The following TMTC2 variants were observed in gnomAD, a reference collection of about 807,000 sequenced individuals.
TMTC2 encodes the protein protein O-mannosyl-transferase TMTC2.
In TMTC2, 43 loss-of-function variants were observed where a neutral mutation model predicts 82.4. The ratio of observed to expected loss-of-function variants is 0.52; its 90% CI spans 0.41 to 0.67. The LOEUF is 0.67. Ranked by LOEUF, TMTC2 falls within the 30% of genes least tolerant of loss-of-function variation. The pLI is 0.00. For missense variants in TMTC2, 919 were observed against 1,012.4 expected (o/e 0.91, Z 1.25); for synonymous variants, 408 against 381.9 (o/e 1.07, Z -0.80).
At chr12:82,781,217 C>A (rs2137009063) in intron 1 of TMTC2, among the ~76,000 whole-genome samples, 1 of 151,910 alleles carries the variant, frequency 6.6e-6, no homozygotes, top group Admixed American at 6.6e-5. Flanking sequence ...TAATAGGGTT[C>A]AAAATGCTGA....
At chr12:82,769,808 G>A (rs11115397) in intron 1 of TMTC2, among the ~76,000 whole-genome samples, 24,940 of 151,750 alleles carry the variant, frequency 0.16, 2,561 homozygotes, top group African/African-American at 0.28. Flanking sequence ...TCAGAGTTTC[G>A]CCATGTTTGC....
chr12:82,771,748 AG>A (rs1877324284), intron 1 of TMTC2, among the ~76,000 whole-genome samples: 2 of 152,334 alleles, frequency 1.3e-5, no homozygotes, highest in Middle Eastern at 6.8e-3. Flanking sequence ...GTGCTATTTT[AG>A]TAGAATTCCA....
At chr12:83,119,280 G>A (rs1190531001) in intron 11 of TMTC2, among the ~76,000 whole-genome samples, 1 of 152,026 alleles carries the variant, frequency 6.6e-6, no homozygotes, top group East Asian at 1.9e-4. Context: ...TAGATGTTTA[G>A]GGCTATGAAC....
intron 1 of TMTC2, among the ~76,000 whole-genome samples, chr12:82,693,394 G>A (rs764649240): frequency 6.6e-6 from 1 of 152,158 alleles, no homozygotes; most frequent in Non-Finnish European, 1.5e-5. Context: ...ATTCATACAT[G>A]CAGAAGCTTT....
At chr12:82,811,807 C>CTTTTTTTTT (rs1171596880) in intron 1 of TMTC2, among the ~76,000 whole-genome samples, 4 of 91,096 alleles carry the variant, frequency 4.4e-5, no homozygotes, top group Admixed American at 1.3e-4. Flanking sequence ...TGCTCTCCTT[C>CTTTTTTTTT]TTTTTTTTTT....
intron 3 of TMTC2, among the ~76,000 whole-genome samples, chr12:82,922,921 C>G (rs574717411): frequency 6.6e-6 from 1 of 152,058 alleles, no homozygotes; most frequent in African/African-American, 2.4e-5. Flanking sequence ...ACATATTGTT[C>G]CTACCCACTA....
At chr12:82,883,282 G>A (rs1038559725) in intron 2 of TMTC2, among the ~76,000 whole-genome samples, 2 of 152,026 alleles carry the variant, frequency 1.3e-5, no homozygotes, top group Admixed American at 1.3e-4. Flanking sequence ...AAGACATAGC[G>A]TAATTATAGA....
chr12:82,720,927 G>A (rs1361256046), intron 1 of TMTC2, among the ~76,000 whole-genome samples: 17 of 152,116 alleles, frequency 1.1e-4, no homozygotes. Context: ...TTTTATTTGG[G>A]TCTAGAAAAC....
At position 82,951,799 on chromosome 12, in the gene TMTC2, C is replaced by T. The variant is rs966348188; in HGVS notation, c.1599-13225C>T. ...CGAAAGTACGTGTTTTAAAGAAAGT[C>T]GGTCATTTACATTTGCATCCTCTAT... On this transcript the variant is annotated intron_variant, in intron 4 of 11. Coordinates refer to ENST00000321196, the MANE Select transcript of TMTC2 (RefSeq NM_152588.3). Among the ~76,000 whole-genome samples the T allele has an allele frequency of 5.9e-5, 9 of 152,190 alleles. 1 individual carries two copies. Among genetic ancestry groups the T allele is most frequent in the East Asian group, 1.9e-4 (1 of 5,190 alleles).
chr12:83,020,378 G>A lies in TMTC2; in HGVS notation c.2071-10420G>A, dbSNP rs554500045. Among the ~76,000 whole-genome samples the A allele has an allele frequency of 2.0e-4, 31 of 152,232 alleles. 1 individual carries two copies. In the Middle Eastern group the frequency reaches 0.01, roughly 50 times the overall value. On this transcript the variant is annotated intron_variant, in intron 8 of 11. Transcript: ENST00000321196. The stretch of plus-strand genomic sequence containing the variant: ...TAATTAAAAGCAGACACTTTGGTTT[G>A]TAATTCAGAGGTAAATTCTATGCAT...
intron 8 of TMTC2, among the ~76,000 whole-genome samples, chr12:83,026,428 A>G (rs1239540006): frequency 2.0e-5 from 3 of 152,146 alleles, no homozygotes; most frequent in Admixed American, 6.6e-5. Flanking sequence ...ACATATTTAC[A>G]TAAACACTCA....
intron 8 of TMTC2, among the ~76,000 whole-genome samples, chr12:83,004,727 T>TTTTTTTG (rs1880083020): frequency 2.5e-5 from 1 of 40,062 alleles, no homozygotes; most frequent in Non-Finnish European, 4.3e-5. Flanking sequence ...GCCGAATTTT[T>TTTTTTTG]TTTTTTTTTT....
chr12:83,076,422 T>C (rs906430926), intron 11 of TMTC2, among the ~76,000 whole-genome samples: 1 of 152,222 alleles, frequency 6.6e-6, no homozygotes, highest in East Asian at 1.9e-4. Context: ...TGGGGGTATC[T>C]TTTGCATGGA....
chr12:82,876,720 C>T (rs998189740), intron 2 of TMTC2, among the ~76,000 whole-genome samples: 5 of 151,686 alleles, frequency 3.3e-5, no homozygotes, highest in East Asian at 1.9e-4. Context: ...TTTTTCATTT[C>T]GTTTTGTTTT....
rs145001442 is a variant in TMTC2 at position 83,099,300 on chromosome 12, A to C, written c.2332-32910A>C. On this transcript the variant is annotated intron_variant, in intron 11 of 11. Coordinates refer to ENST00000321196, the MANE Select transcript of TMTC2 (RefSeq NM_152588.3). ...GGTAAAGATTTATACCAGTAATGAA[A>C]ATTTACAAACTCAATAGAAACAACC... 7.2e-3 allele frequency among the ~76,000 whole-genome samples: 1,103 copies of C among 152,286 alleles called. 11 individuals are homozygous for C. Among genetic ancestry groups the C allele is most frequent in the African/African-American group, 0.025 (1,033 of 41,548 alleles).
chr12:82,823,600 A>G (rs1267763762), intron 1 of TMTC2, among the ~76,000 whole-genome samples: 4 of 152,212 alleles, frequency 2.6e-5, no homozygotes, highest in African/African-American at 9.7e-5. Flanking sequence ...CTTTAACTCA[A>G]AGAAGGACAG....
chr12:82,769,858 C>G (rs1173911057), intron 1 of TMTC2, among the ~76,000 whole-genome samples: 1 of 152,150 alleles, frequency 6.6e-6, no homozygotes, highest in Non-Finnish European at 1.5e-5. Flanking sequence ...GATCCACCTG[C>G]CTCGGCCTCC....
intron 8 of TMTC2, among the ~76,000 whole-genome samples, chr12:83,018,658 T>A (rs1360092765): frequency 1.1e-5 from 1 of 91,794 alleles, no homozygotes; most frequent in East Asian, 3.2e-4. Context: ...TAATAAAATT[T>A]GCGGGTTTTT....
chr12:82,754,631 G>C (rs781000350), intron 1 of TMTC2, among the ~76,000 whole-genome samples: 32 of 152,110 alleles, frequency 2.1e-4, no homozygotes, highest in Non-Finnish European at 4.6e-4. Flanking sequence ...CAGCTACTTA[G>C]GGGGCTGAGG....
Sources: allele counts gnomAD v4.1 joint callset (sites outside exome capture counted in the v4.1 genomes callset), GRCh38; gene constraint gnomAD v4.1.1; transcripts MANE v1.5; gene names NCBI Gene and HGNC (gene_info 2026-07-23, HGNC 2026-07-21).